Variants in SLC4A5 observed in about 807,000 individuals in gnomAD.
SLC4A5 encodes the protein electrogenic sodium bicarbonate cotransporter 4.
In SLC4A5, 96 loss-of-function variants were observed where a neutral mutation model predicts 120.4. That is an observed-to-expected ratio of 0.80 (90% CI 0.68 to 0.94). The LOEUF (loss-of-function observed/expected upper bound fraction) is 0.94. Among genes scored for constraint, SLC4A5 ranks in the 40% least tolerant of loss-of-function variants. The pLI is 0.00. For synonymous variants in SLC4A5, 550 were observed against 571.1 expected (o/e 0.96, Z 0.53); for missense variants, 1,259 against 1,459.5 (o/e 0.86, Z 2.24).
Position 74,295,660 on chromosome 2 carries a change from A to G in SLC4A5, c.271+8829T>C, listed in dbSNP as rs143378928. Among the ~76,000 whole-genome samples, 511 of 152,242 alleles carry G rather than the reference A, an allele frequency of 3.4e-3. 3 individuals are homozygous for G. The highest frequency in any genetic ancestry group is 0.013 in the South Asian group (64 of 4,830). On this transcript the variant is annotated intron_variant, in intron 7 of 30. Coordinates refer to ENST00000394019, the Ensembl canonical transcript of SLC4A5. ...AAAACAAAAAACACAAAACAAAACA[A>G]AAAAGAAAAAGAAAAAATTGAGTAT...
chr2:74,309,945 A>T (rs1672758786), intron 6 of SLC4A5, among the ~76,000 whole-genome samples: 1 of 152,086 alleles, frequency 6.6e-6, no homozygotes, highest in Non-Finnish European at 1.5e-5. Flanking sequence ...TACAGGCATG[A>T]GCCACCGTGC....
At chr2:74,312,487 C>T (rs1465661618) in intron 6 of SLC4A5, among the ~76,000 whole-genome samples, 1 of 152,080 alleles carries the variant, frequency 6.6e-6, no homozygotes, top group Non-Finnish European at 1.5e-5. Flanking sequence ...ATCTCAGCCT[C>T]CCAAAGTATG....
At chr2:74,281,891 C>T (rs1009086349) in intron 8 of SLC4A5, among the ~76,000 whole-genome samples, 1 of 152,226 alleles carries the variant, frequency 6.6e-6, no homozygotes, top group African/African-American at 2.4e-5. Context: ...TGGACCATAA[C>T]CGTCTTGGAG....
intron 28 of SLC4A5, 106 bp from the exon 29 acceptor site, chr2:74,223,058 G>T (rs1434952835): frequency 1.5e-6 from 1 of 667,020 alleles, no homozygotes; most frequent in Non-Finnish European, 2.5e-6. Flanking sequence ...AGGCTGGAGT[G>T]CAGTGGTGCG....
chr2:74,269,284 G>C (rs1479758241), intron 8 of SLC4A5, among the ~76,000 whole-genome samples: 2 of 152,012 alleles, frequency 1.3e-5, no homozygotes, highest in Non-Finnish European at 2.9e-5. Context: ...TTGGCTCACT[G>C]CAACCTCTGC....
chr2:74,247,356 T>G, intron 18 of SLC4A5, 49 bp from the exon 19 acceptor site: 1 of 1,576,214 alleles, frequency 6.3e-7, no homozygotes, highest in South Asian at 1.2e-5. Context: ...GGCTCCTGGC[T>G]GTGCTTGACT....
At chr2:74,250,544 T>C (rs529306959) in intron 16 of SLC4A5, 27 bp from the exon 17 acceptor site, 6 of 1,613,174 alleles carry the variant, frequency 3.7e-6, no homozygotes, top group Non-Finnish European at 5.1e-6. Flanking sequence ...CAGGGGCTGC[T>C]TTCTCACCAC....
chr2:74,220,642 G>A (rs368654596), intron 30 of SLC4A5, among the ~76,000 whole-genome samples: 29 of 134,416 alleles, frequency 2.2e-4, no homozygotes, highest in South Asian at 5.0e-4. Flanking sequence ...TCAGCCTCCC[G>A]AGTAGCTGGG....
chr2:74,303,631 GCC>G (rs1487998566), intron 7 of SLC4A5, among the ~76,000 whole-genome samples: 1 of 152,028 alleles, frequency 6.6e-6, no homozygotes, highest in African/African-American at 2.4e-5. Context: ...TTTTTAATTA[GCC>G]CAGAACTATT....
At chr2:74,308,031 A>G in intron 6 of SLC4A5, 1 of 527,196 alleles carries the variant, frequency 1.9e-6, no homozygotes, top group Admixed American at 2.0e-5. Flanking sequence ...GGAGAGTGAG[A>G]GGAAAGGACT....
rs1005342769 is a variant in SLC4A5, at chr2:74,231,784, C to A, written c.2775-476G>T. Among the ~76,000 whole-genome samples the A allele has an allele frequency of 3.3e-5, 5 of 152,332 alleles. No individual in the cohort carries two copies. In the South Asian group the frequency reaches 8.3e-4, roughly 25 times the overall value. Reference sequence around the variant, plus strand: ...GAGGATCTGGGGAAGAGGACACCAGCAGAGCAGGTGTCAGGGGTGGGAGGC... The same window carrying A: ...GAGGATCTGGGGAAGAGGACACCAGAAGAGCAGGTGTCAGGGGTGGGAGGC... On this transcript the variant is annotated intron_variant, in intron 24 of 30. Coordinates refer to ENST00000394019, the Ensembl canonical transcript of SLC4A5.
At chr2:74,313,502 C>T (rs545745647) in intron 6 of SLC4A5, among the ~76,000 whole-genome samples, 24 of 152,214 alleles carry the variant, frequency 1.6e-4, no homozygotes, top group Non-Finnish European at 2.6e-4. Flanking sequence ...TGTCAGTGTC[C>T]AAATCTGTCT....
intron 8 of SLC4A5, among the ~76,000 whole-genome samples, chr2:74,266,504 A>G (rs1217335701): frequency 6.6e-6 from 1 of 152,124 alleles, no homozygotes; most frequent in Non-Finnish European, 1.5e-5. Context: ...CCTGGGCTTA[A>G]GTGATCAGCC....
intron 19 of SLC4A5, among the ~76,000 whole-genome samples, chr2:74,242,379 A>C (rs935643799): frequency 1.3e-5 from 2 of 152,232 alleles, no homozygotes; most frequent in Non-Finnish European, 2.9e-5. Flanking sequence ...GTGAATCTTC[A>C]CCGGCCACTG....
At position 74,229,104 on chromosome 2, in the gene SLC4A5, C is replaced by CTTTTTTTTTTTTTTTTTTT. The variant is rs55689286; in HGVS notation, c.2848-1227_2848-1226insAAAAAAAAAAAAAAAAAAA. On this transcript the variant is annotated intron_variant, in intron 25 of 30. Transcript: ENST00000394019. ...AAAGAAGTCTGTTCTTAGATTTGAG[C>CTTTTTTTTTTTTTTTTTTT]TTTTTTTTTTTTCTTGAGACAGAGT... Among the ~76,000 whole-genome samples, 30 of 98,584 alleles carry CTTTTTTTTTTTTTTTTTTT rather than the reference C, an allele frequency of 3.0e-4. 1 individual carries two copies. The highest frequency in any genetic ancestry group is 4.2e-4 in the Non-Finnish European group (24 of 56,670). 64.7% of individuals were successfully genotyped at this position (98,584 alleles called of 152,430 possible).
intron 7 of SLC4A5, among the ~76,000 whole-genome samples, chr2:74,303,117 CGT>C (rs112916158): frequency 2.2e-3 from 316 of 143,002 alleles, no homozygotes; most frequent in Middle Eastern, 0.011. Context: ...TGTGTGTGTG[CGT>C]GTGTGTGTGT....
At chr2:74,262,190 T>G in exon 11 of SLC4A5, 1 of 1,613,818 alleles carries the variant, frequency 6.2e-7, no homozygotes, top group Admixed American at 1.7e-5. Context: ...CGTGGAGTGG[T>G]GTAGACTCGG....
At chr2:74,227,628 C>G in intron 26 of SLC4A5, 182 bp downstream of exon 26, 4 of 1,340,936 alleles carry the variant, frequency 3.0e-6, no homozygotes, top group Non-Finnish European at 3.1e-6. Flanking sequence ...TATGAAGTGC[C>G]TAACATATTT....
chr2:74,260,846 G>A (rs1671112064), intron 11 of SLC4A5, among the ~76,000 whole-genome samples: 2 of 152,240 alleles, frequency 1.3e-5, no homozygotes, highest in South Asian at 2.1e-4. Context: ...ATAAAACCCG[G>A]GTTCTTTTGC....
Sources: gnomAD v4.1 joint callset for allele counts (sites outside exome capture counted in the v4.1 genomes callset) on GRCh38, gnomAD v4.1.1 for gene constraint, MANE v1.5 for transcripts, NCBI Gene and HGNC (gene_info 2026-07-23, HGNC 2026-07-21) for gene names.